The following AUH variants were observed in gnomAD, a reference collection of about 807,000 sequenced individuals.
The protein encoded by AUH is methylglutaconyl-CoA hydratase, mitochondrial.
A neutral mutation model predicts 42.3 loss-of-function variants in AUH; 29 were observed. That is an observed-to-expected ratio of 0.69 (90% CI 0.51 to 0.93). The LOEUF (loss-of-function observed/expected upper bound fraction) is 0.93, where lower values mean the gene tolerates loss of function less well. Among genes scored for constraint, AUH ranks in the 40% least tolerant of loss-of-function variants. The probability of loss-of-function intolerance (pLI) is 0.00; values close to 1 mark genes in which losing one functional copy is unlikely to be tolerated. For synonymous variants in AUH, 174 were observed against 166.4 expected (o/e 1.05, Z -0.35); for missense variants, 452 against 438.1 (o/e 1.03, Z -0.28).
At chr9:91,222,616 G>C (rs1827196619) in intron 6 of AUH, among the ~76,000 whole-genome samples, 1 of 152,182 alleles carries the variant, frequency 6.6e-6, no homozygotes, top group Admixed American at 6.5e-5. Context: ...GTGTAGTAAA[G>C]ATAGGTCTGA....
intron 6 of AUH, among the ~76,000 whole-genome samples, chr9:91,279,368 G>A (rs1466834861): frequency 6.6e-6 from 1 of 152,166 alleles, no homozygotes; most frequent in Non-Finnish European, 1.5e-5. Flanking sequence ...TTCAGTGATA[G>A]AGATGGGATT....
At chr9:91,233,892 T>C (rs1042850398) in intron 6 of AUH, among the ~76,000 whole-genome samples, 5 of 152,200 alleles carry the variant, frequency 3.3e-5, no homozygotes, top group African/African-American at 1.2e-4. Flanking sequence ...CATGGGCTTC[T>C]CAATTCTATT....
chr9:91,249,734 G>A lies in AUH; in HGVS notation c.656-28742C>T, dbSNP rs1304185595. ...TGTTTTTAAATCAGGGGTTCTGGCC[G>A]GGTGCAGTGGCTCACACCTATAATC... is the stretch of plus-strand genomic sequence containing the variant. On this transcript the variant is annotated intron_variant, in intron 6 of 9. Coordinates refer to ENST00000375731, the MANE Select transcript of AUH (RefSeq NM_001698.3). 3.3e-5 allele frequency among the ~76,000 whole-genome samples: 5 copies of A among 152,246 alleles called. No homozygotes were observed. The East Asian group carries it at 5.8e-4, about 18-fold the overall frequency.
intron 3 of AUH, among the ~76,000 whole-genome samples, chr9:91,329,306 A>G (rs993891274): frequency 6.8e-6 from 1 of 147,834 alleles, no homozygotes; most frequent in African/African-American, 2.5e-5. Flanking sequence ...GGAGAAAAGA[A>G]AAAAAAAAAA....
intron 6 of AUH, among the ~76,000 whole-genome samples, chr9:91,290,830 T>C (rs73651412): frequency 0.042 from 6,380 of 152,218 alleles, 419 homozygotes; most frequent in African/African-American, 0.14. Flanking sequence ...ACCAAGTTCA[T>C]CTTGCTCCCT....
At chr9:91,228,907 T>C (rs1827691880) in intron 6 of AUH, among the ~76,000 whole-genome samples, 1 of 152,256 alleles carries the variant, frequency 6.6e-6, no homozygotes, top group Non-Finnish European at 1.5e-5. Flanking sequence ...GATTGCACTG[T>C]GGTCTGAGAG....
At chr9:91,349,205 G>C (rs1337452676) in intron 3 of AUH, among the ~76,000 whole-genome samples, 1 of 152,088 alleles carries the variant, frequency 6.6e-6, no homozygotes, top group Non-Finnish European at 1.5e-5. Context: ...GACAATTTTA[G>C]TGACAAGTCA....
chr9:91,341,978 CAG>C (rs1441217203), intron 3 of AUH, among the ~76,000 whole-genome samples: 1 of 151,988 alleles, frequency 6.6e-6, no homozygotes, highest in Non-Finnish European at 1.5e-5. Context: ...CTTTGTCAAG[CAG>C]AGAGAGTAAG....
At chr9:91,220,282 T>C (rs949255214) in intron 7 of AUH, among the ~76,000 whole-genome samples, 1 of 152,202 alleles carries the variant, frequency 6.6e-6, no homozygotes, top group African/African-American at 2.4e-5. Context: ...TACACCACCA[T>C]AGGCAAACAC....
intron 6 of AUH, among the ~76,000 whole-genome samples, chr9:91,283,471 G>A (rs1431034929): frequency 6.6e-6 from 1 of 152,134 alleles, no homozygotes; most frequent in Non-Finnish European, 1.5e-5. Flanking sequence ...GGGCAATCAG[G>A]CAGGAGAAAG....
intron 7 of AUH, among the ~76,000 whole-genome samples, chr9:91,217,789 G>A (rs1015037871): frequency 6.6e-6 from 1 of 152,070 alleles, no homozygotes; most frequent in Non-Finnish European, 1.5e-5. Context: ...TCCTCCATTC[G>A]CCTTGACAAC....
At chr9:91,306,824 C>T (rs1184441235) in intron 4 of AUH, among the ~76,000 whole-genome samples, 1 of 152,150 alleles carries the variant, frequency 6.6e-6, no homozygotes, top group East Asian at 1.9e-4. Flanking sequence ...GATCCATAAA[C>T]GTAAGGGTAG....
chr9:91,254,120 A>T (rs1000405417), intron 6 of AUH, among the ~76,000 whole-genome samples: 1 of 152,240 alleles, frequency 6.6e-6, no homozygotes, highest in Non-Finnish European at 1.5e-5. Flanking sequence ...TCTTCAGTGC[A>T]CAGGCCTCTC....
chr9:91,261,008 A>G (rs1829679857), intron 6 of AUH, among the ~76,000 whole-genome samples: 1 of 152,268 alleles, frequency 6.6e-6, no homozygotes, highest in East Asian at 1.9e-4. Flanking sequence ...TAGTTGTTTT[A>G]TATCTTCCAT....
intron 6 of AUH, among the ~76,000 whole-genome samples, chr9:91,231,984 CT>C (rs143348957): frequency 0.025 from 3,788 of 152,302 alleles, 75 homozygotes; most frequent in East Asian, 0.058. Flanking sequence ...ATAGTATGTA[CT>C]TATATGATTT....
chr9:91,346,031 T>C (rs1479563474), intron 3 of AUH, among the ~76,000 whole-genome samples: 1 of 152,066 alleles, frequency 6.6e-6, no homozygotes, highest in Non-Finnish European at 1.5e-5. Context: ...CTTCGTCGTT[T>C]TTATTCCAGG....
At chr9:91,244,570 C>T (rs780386975) in intron 6 of AUH, among the ~76,000 whole-genome samples, 5 of 152,170 alleles carry the variant, frequency 3.3e-5, no homozygotes, top group Non-Finnish European at 7.4e-5. Flanking sequence ...CTTTTTCCTT[C>T]CCATCCACAT....
chr9:91,247,732 C>A (rs1481270183), intron 6 of AUH, among the ~76,000 whole-genome samples: 2 of 152,166 alleles, frequency 1.3e-5, no homozygotes, highest in Non-Finnish European at 2.9e-5. Context: ...ATTGTCTCAT[C>A]GTGGTTTTAA....
intron 6 of AUH, among the ~76,000 whole-genome samples, chr9:91,244,095 C>T (rs1413044849): frequency 2.6e-5 from 4 of 152,100 alleles, no homozygotes; most frequent in South Asian, 2.1e-4. Context: ...CAAAACCAAA[C>T]GATCTTTCCC....
Sources: allele counts gnomAD v4.1 joint callset (sites outside exome capture counted in the v4.1 genomes callset), GRCh38; gene constraint gnomAD v4.1.1; transcripts MANE v1.5; gene names NCBI Gene and HGNC (gene_info 2026-07-23, HGNC 2026-07-21).